FERD3L: variants seen among roughly 807,000 people sequenced by gnomAD.
The protein encoded by FERD3L is Fer3 like bHLH transcription factor, also known as fer3-like protein.
In FERD3L, 7 loss-of-function variants were observed where a neutral mutation model predicts 7.5. That is an observed-to-expected ratio of 0.94 (90% confidence interval 0.53 to 1.76). FERD3L has a LOEUF of 1.76. FERD3L is among the 40% of genes most tolerant of loss of function. The pLI, the probability that FERD3L is intolerant of heterozygous loss-of-function variation, is 0.00. For synonymous variants in FERD3L, 122 were observed against 94.4 expected, an observed-to-expected ratio of 1.29 and a Z score of -1.70; for missense variants, 264 against 220.9, an observed-to-expected ratio of 1.20 and a Z score of -1.24.
chr7:19,144,856 C>T lies in FERD3L; in HGVS notation c.*6G>A, dbSNP rs1330397046. 6.2e-7 allele frequency: 1 copy of T among 1,613,108 alleles called. No individual in the cohort carries two copies. The highest frequency in any genetic ancestry group is 8.5e-7 in the Non-Finnish European group (1 of 1,179,198). On this transcript the variant is annotated 3_prime_UTR_variant, in exon 1 of 1. Coordinates refer to ENST00000275461, the MANE Select transcript of FERD3L (RefSeq NM_152898.2). ...GACGAGGAAGGGCAGACTCTCCACA[C>T]CAGGCTCAGCCGCTTTCCTTCTTCT...
chr7:19,145,324 C>T lies in FERD3L; in HGVS notation c.39G>A (p.Val13=), dbSNP rs369136977. Residue 13 remains valine, a synonymous_variant, in exon 1 of 1, where the codon GTG becomes GTA. Transcript: ENST00000275461. ...AYPESCVDTT[V]LDFVADLSLA... Reference sequence around the variant, plus strand: ...GGGACAGGTCTGCGACGAAGTCCAGCACCGTAGTGTCCACGCAGCTCTCCG... The same window carrying T: ...GGGACAGGTCTGCGACGAAGTCCAGTACCGTAGTGTCCACGCAGCTCTCCG... 1.9e-6 allele frequency: 3 copies of T among 1,602,250 alleles called. No homozygotes were observed. The highest frequency in any genetic ancestry group is 2.7e-5 in the African/African-American group (2 of 74,768).
At position 19,145,296 on chromosome 7, in the gene FERD3L, C is replaced by T. The variant is rs748759205; in HGVS notation, c.67G>A (p.Ala23Thr). 2 of 1,612,482 alleles carry T rather than the reference C, an allele frequency of 1.2e-6. No individual in the cohort carries two copies. Among genetic ancestry groups the T allele is most frequent in the South Asian group, 1.1e-5 (1 of 91,072 alleles). ...VLDFVADLSL[A>T]SPRRPLLCDF... ...CAGAGGAGAGGGCGTCTCGGGGAGG[C>T]CAGGGACAGGTCTGCGACGAAGTCC... Residue 23 changes from alanine (A) to threonine (T), a missense_variant, in exon 1 of 1, where the codon GCC (alanine) becomes ACC (threonine). Physicochemically the swap from Ala to Thr is moderately conservative, Grantham distance 58. Transcript: ENST00000275461.
In FERD3L at chr7:19,145,402, G is replaced by T. The variant is rs1156880334; in HGVS notation, c.-40C>A. On this transcript the variant is annotated 5_prime_UTR_variant, in exon 1 of 1. Transcript: ENST00000275461. ...CCTGCCTCTCATCGGTTTTCCGCAG[G>T]GAGGGGCGAGGTTGCTGGTGGGGAT... 1 of 1,537,792 alleles carries T rather than the reference G, an allele frequency of 6.5e-7. No homozygotes were observed. The highest frequency in any genetic ancestry group is 8.8e-7 in the Non-Finnish European group (1 of 1,142,770).
Position 19,144,964 on chromosome 7 carries a change from G to A in FERD3L, c.399C>T (p.Tyr133=), listed in dbSNP as rs1309907693. 4 of 1,614,138 alleles carry A rather than the reference G, an allele frequency of 2.5e-6. No homozygotes were observed. The South Asian group carries it at 3.3e-5, about 13-fold the overall frequency. The change falls in exon 1 of 1, where the codon TAC becomes TAT. Residue 133 remains tyrosine, a synonymous_variant. Transcript: ENST00000275461. ...TCTCGATCCGGGACAGCCTTTTCTC[G>A]TAAGCAAACGTGGGCACCTTCCTCC... ...QLRRKVPTFA[Y]EKRLSRIETL...
rs1788958138 is a variant in FERD3L at position 19,145,035 on chromosome 7, C to A, written c.328G>T (p.Glu110Ter). 2 of 1,614,210 alleles carry A rather than the reference C, an allele frequency of 1.2e-6. No homozygotes were observed. The highest frequency in any genetic ancestry group is 8.5e-7 in the Non-Finnish European group (1 of 1,180,044). Residue 110 changes from glutamate (E) to a stop codon, truncating the protein, a stop_gained, in exon 1 of 1, where the codon GAA becomes TAA. Coordinates refer to ENST00000275461, the MANE Select transcript of FERD3L (RefSeq NM_152898.2). LOFTEE classifies it high-confidence loss of function. Reference sequence around the variant, plus strand: ...TTGAGGTTGAACATCCGCTTCCTTTCGCGGATGTTGGCGGCCTGGCGCTGG... The same window carrying A: ...TTGAGGTTGAACATCCGCTTCCTTTAGCGGATGTTGGCGGCCTGGCGCTGG... Reference protein sequence around the residue: ...YAQRQAANIRERKRMFNLNEA... With the variant: ...YAQRQAANIR
Position 19,145,298 on chromosome 7 carries a change from A to G in FERD3L, c.65T>C (p.Leu22Pro). 1 of 1,612,434 alleles carries G rather than the reference A, an allele frequency of 6.2e-7. No homozygotes were observed. The highest frequency in any genetic ancestry group is 8.5e-7 in the Non-Finnish European group (1 of 1,179,854). ...GAGGAGAGGGCGTCTCGGGGAGGCC[A>G]GGGACAGGTCTGCGACGAAGTCCAG... ...TVLDFVADLS[L>P]ASPRRPLLCD... The change falls in exon 1 of 1, where the codon CTG (leucine) becomes CCG (proline). Residue 22 changes from leucine (L) to proline (P), a missense_variant. Physicochemically the swap from Leu to Pro is moderately conservative, Grantham distance 98. Coordinates refer to ENST00000275461, the MANE Select transcript of FERD3L (RefSeq NM_152898.2).
Position 19,144,840 on chromosome 7 carries a change from G to C in FERD3L, c.*22C>G, listed in dbSNP as rs1788953450. ...CACCCCAGCACTACCAGACGAGGAA[G>C]GGCAGACTCTCCACACCAGGCTCAG... On this transcript the variant is annotated 3_prime_UTR_variant, in exon 1 of 1. Transcript: ENST00000275461. 6.2e-7 allele frequency: 1 copy of C among 1,608,774 alleles called. No homozygotes were observed. The highest frequency in any genetic ancestry group is 2.2e-5 in the East Asian group (1 of 44,746).
In FERD3L at chr7:19,145,067, G is replaced by A. The variant is rs1163897698; in HGVS notation, c.296C>T (p.Thr99Ile). ...GTTGGCGGCCTGGCGCTGGGCGTAGGTGATCACCCTTTTCCTCTTGGGGCG... is the reference window on the plus strand; with the variant it reads ...GTTGGCGGCCTGGCGCTGGGCGTAGATGATCACCCTTTTCCTCTTGGGGCG... Reference protein sequence around the residue: ...LGRPKRKRVITYAQRQAANIR... With the variant: ...LGRPKRKRVIIYAQRQAANIR... Residue 99 changes from threonine to isoleucine, a missense_variant, in exon 1 of 1, where the codon ACC becomes ATC. By Grantham distance (89) the Thr-to-Ile change is moderately conservative. Coordinates refer to ENST00000275461, the MANE Select transcript of FERD3L (RefSeq NM_152898.2). 4 of 1,614,142 alleles carry A rather than the reference G, an allele frequency of 2.5e-6. No homozygotes were observed. The highest frequency in any genetic ancestry group is 2.5e-6 in the Non-Finnish European group (3 of 1,180,028).
In FERD3L at chr7:19,145,072, C is replaced by T. The variant is rs1426174687; in HGVS notation, c.291G>A (p.Val97=). ...SLLGRPKRKR[V]ITYAQRQAAN... ...CGGCCTGGCGCTGGGCGTAGGTGAT[C>T]ACCCTTTTCCTCTTGGGGCGGCCTA... is the stretch of plus-strand genomic sequence containing the variant. The change falls in exon 1 of 1, where the codon GTG becomes GTA. Residue 97 remains valine (V), a synonymous_variant. Transcript: ENST00000275461. 1.2e-6 allele frequency: 2 copies of T among 1,614,132 alleles called. No individual in the cohort carries two copies. Among genetic ancestry groups the T allele is most frequent in the Admixed American group, 1.7e-5 (1 of 60,030 alleles).
rs1178784301 is a variant in FERD3L at position 19,145,076 on chromosome 7, C to G, written c.287G>C (p.Arg96Thr). The G allele has an allele frequency of 6.2e-7, 1 of 1,613,938 alleles. No individual in the cohort carries two copies. The highest frequency in any genetic ancestry group is 8.5e-7 in the Non-Finnish European group (1 of 1,180,002). ...VSLLGRPKRKRVITYAQRQAA... is the reference protein window; with the variant it reads ...VSLLGRPKRKTVITYAQRQAA... ...CTGGCGCTGGGCGTAGGTGATCACCCTTTTCCTCTTGGGGCGGCCTAATAG... is the reference window on the plus strand; with the variant it reads ...CTGGCGCTGGGCGTAGGTGATCACCGTTTTCCTCTTGGGGCGGCCTAATAG... The change falls in exon 1 of 1, where the codon AGG becomes ACG. Residue 96 changes from arginine to threonine, a missense_variant. By Grantham distance (71) the Arg-to-Thr change is moderately conservative. Transcript: ENST00000275461.
In FERD3L at chr7:19,145,343, C is replaced by T. The variant is rs1332892669; in HGVS notation, c.20G>A (p.Ser7Asn). MAAYPESCVDTTVLDFV... is the reference protein window; with the variant it reads MAAYPENCVDTTVLDFV... ...GTCCAGCACCGTAGTGTCCACGCAG[C>T]TCTCCGGATAGGCCGCCATCGCTTC... The change falls in exon 1 of 1, where the codon AGC (serine) becomes AAC (asparagine). Residue 7 changes from serine to asparagine, a missense_variant. Physicochemically the swap from Ser to Asn is conservative, Grantham distance 46. Transcript: ENST00000275461. The T allele has an allele frequency of 6.3e-7, 1 of 1,584,918 alleles. No homozygotes were observed. The highest frequency in any genetic ancestry group is 8.6e-7 in the Non-Finnish European group (1 of 1,161,002).
Position 19,144,889 on chromosome 7 carries a change from C to G in FERD3L, c.474G>C (p.Glu158Asp), listed in dbSNP as rs761518985. 3 of 1,614,152 alleles carry G rather than the reference C, an allele frequency of 1.9e-6. No individual in the cohort carries two copies. Among genetic ancestry groups the G allele is most frequent in the Non-Finnish European group, 2.5e-6 (3 of 1,180,020 alleles). ...VYISFMTELLESCEKKESG is the reference protein window; with the variant it reads ...VYISFMTELLDSCEKKESG Reference sequence around the variant, plus strand: ...AGCCGCTTTCCTTCTTCTCACAGCTCTCCAAGAGCTCGGTCATGAAGGAGA... The same window carrying G: ...AGCCGCTTTCCTTCTTCTCACAGCTGTCCAAGAGCTCGGTCATGAAGGAGA... The change falls in exon 1 of 1, where the codon GAG becomes GAC. Residue 158 changes from glutamate to aspartate, a missense_variant. Transcript: ENST00000275461.
chr7:19,144,943 G>C lies in FERD3L; in HGVS notation c.420C>G (p.Ile140Met). The C allele has an allele frequency of 3.1e-6, 5 of 1,614,166 alleles. No homozygotes were observed. Among genetic ancestry groups the C allele is most frequent in the Non-Finnish European group, 4.2e-6 (5 of 1,180,040 alleles). Reference sequence around the variant, plus strand: ...AGACGATGGCCAGGCGGAGGGTCTCGATCCGGGACAGCCTTTTCTCGTAAG... The same window carrying C: ...AGACGATGGCCAGGCGGAGGGTCTCCATCCGGGACAGCCTTTTCTCGTAAG... ...TFAYEKRLSR[I>M]ETLRLAIVYI... The change falls in exon 1 of 1, where the codon ATC becomes ATG. Residue 140 changes from isoleucine (I) to methionine (M), a missense_variant. Physicochemically the swap from Ile to Met is conservative, Grantham distance 10. Transcript: ENST00000275461.
rs1488057032 is a variant in FERD3L at position 19,145,310 on chromosome 7, GC to G, written c.52del (p.Ala18GlnfsTer72). The G allele has an allele frequency of 6.8e-6, 11 of 1,610,832 alleles. No individual in the cohort carries two copies. In the Admixed American group the frequency reaches 1.8e-4, roughly 27 times the overall value. On this transcript the variant is annotated frameshift_variant, in exon 1 of 1. Coordinates refer to ENST00000275461, the MANE Select transcript of FERD3L (RefSeq NM_152898.2). LOFTEE classifies it high-confidence loss of function. ...CVDTTVLDFVADLSLASPRRP... is the reference protein window; with the variant it reads ...CVDTTVLDFVXDLSLASPRRP... ...TCTCGGGGAGGCCAGGGACAGGTCT[GC>G]GACGAAGTCCAGCACCGTAGTGTCC... is the stretch of plus-strand genomic sequence containing the variant.
At position 19,144,894 on chromosome 7, in the gene FERD3L, A is replaced by G. The variant is rs375551773; in HGVS notation, c.469T>C (p.Leu157=). 6.2e-7 allele frequency: 1 copy of G among 1,613,402 alleles called. No individual in the cohort carries two copies. Residue 157 remains leucine (L), a synonymous_variant, in exon 1 of 1, where the codon TTG becomes CTG. Transcript: ENST00000275461. ...CTTTCCTTCTTCTCACAGCTCTCCA[A>G]GAGCTCGGTCATGAAGGAGATATAG... ...IVYISFMTEL[L]ESCEKKESG is the part of the protein sequence containing the mutation.
In FERD3L at chr7:19,145,326, C is replaced by T; in HGVS notation, c.37G>A (p.Val13Met). 1 of 1,599,862 alleles carries T rather than the reference C, an allele frequency of 6.3e-7. No individual in the cohort carries two copies. The highest frequency in any genetic ancestry group is 8.5e-7 in the Non-Finnish European group (1 of 1,171,432). ...GACAGGTCTGCGACGAAGTCCAGCA[C>T]CGTAGTGTCCACGCAGCTCTCCGGA... The part of the protein sequence containing the change: ...AYPESCVDTT[V>M]LDFVADLSLA... Residue 13 changes from valine (V) to methionine (M), a missense_variant, in exon 1 of 1, where the codon GTG becomes ATG. By Grantham distance (21) the Val-to-Met change is conservative (BLOSUM62 1). Transcript: ENST00000275461.
rs768552326 is a variant in FERD3L at position 19,145,229 on chromosome 7, G to A, written c.134C>T (p.Ala45Val). Residue 45 changes from alanine (A) to valine (V), a missense_variant, in exon 1 of 1, where the codon GCG (alanine) becomes GTG (valine). By Grantham distance (64) the Ala-to-Val change is moderately conservative (BLOSUM62 0). Coordinates refer to ENST00000275461, the MANE Select transcript of FERD3L (RefSeq NM_152898.2). ...PGVSLGDPALALREGRPRRMA... is the reference protein window; with the variant it reads ...PGVSLGDPALVLREGRPRRMA... ...CCTCCTGGGTCTTCCCTCTCGGAGC[G>A]CAAGGGCTGGGTCCCCCAAGGAGAC... 3.1e-6 allele frequency: 5 copies of A among 1,613,878 alleles called. No homozygotes were observed. Among genetic ancestry groups the A allele is most frequent in the Middle Eastern group, 1.6e-4 (1 of 6,084 alleles).
chr7:19,145,181 T>A lies in FERD3L; in HGVS notation c.182A>T (p.Asp61Val). The A allele has an allele frequency of 6.2e-7, 1 of 1,613,644 alleles. No individual in the cohort carries two copies. The highest frequency in any genetic ancestry group is 1.1e-5 in the South Asian group (1 of 91,056). ...CACTTCGCACTCCTCTTCTTCTGGG[T>A]CCCCCTCTTCAAACCGCGCCATCCT... is the stretch of plus-strand genomic sequence containing the variant. ...PRRMARFEEG[D>V]PEEEECEVDQ... The change falls in exon 1 of 1, where the codon GAC (aspartate) becomes GTC (valine). Residue 61 changes from aspartate to valine, a missense_variant. Physicochemically the swap from Asp to Val is radical, Grantham distance 152. Transcript: ENST00000275461.
Position 19,144,805 on chromosome 7 carries a change from G to T in FERD3L, c.*57C>A, listed in dbSNP as rs1039355767. On this transcript the variant is annotated 3_prime_UTR_variant, in exon 1 of 1. Coordinates refer to ENST00000275461, the MANE Select transcript of FERD3L (RefSeq NM_152898.2). ...GGCCCTTTAGCCTCACCCAGTGCCC[G>T]GTCCTGACACACCCCAGCACTACCA... 1.8e-5 allele frequency: 29 copies of T among 1,577,604 alleles called. No individual in the cohort carries two copies. Among genetic ancestry groups the T allele is most frequent in the African/African-American group, 4.1e-5 (3 of 74,054 alleles).
Sources: allele counts gnomAD v4.1 joint callset, GRCh38; gene constraint gnomAD v4.1.1; transcripts MANE v1.5; gene names NCBI Gene and HGNC (gene_info 2026-07-23, HGNC 2026-07-21).